TUNAR: variants seen among roughly 807,000 people sequenced by gnomAD.
The protein encoded by TUNAR is transmembrane neural differentiation associated intracellular calcium regulator, also known as protein TUNAR.
At chr14:95,923,923 TGATA>T (rs1372058984) in exon 3 of TUNAR, 1 of 152,168 alleles carries the variant, frequency 6.6e-6, no homozygotes, top group Non-Finnish European at 1.5e-5. Context: ...AAGGGCTGAG[TGATA>T]GATCAGCTTA....
chr14:95,908,925 C>T (rs1188914821), intron 2 of TUNAR, among the ~76,000 whole-genome samples: 3 of 152,140 alleles, frequency 2.0e-5, no homozygotes, highest in Non-Finnish European at 4.4e-5. Context: ...GGGTCCATGG[C>T]CCAGTGGAAG....
chr14:95,898,319 T>A (rs1464106356), intron 2 of TUNAR, among the ~76,000 whole-genome samples: 1 of 152,214 alleles, frequency 6.6e-6, no homozygotes, highest in African/African-American at 2.4e-5. Context: ...TTCTTCTTCA[T>A]TCATGGGGTT....
intron 2 of TUNAR, among the ~76,000 whole-genome samples, chr14:95,903,813 C>G (rs1242205574): frequency 1.3e-5 from 2 of 152,190 alleles, no homozygotes; most frequent in Non-Finnish European, 2.9e-5. Flanking sequence ...GGCAGCTGGG[C>G]TGGGCTGGCC....
At chr14:95,879,807 G>A (rs983899200) in intron 2 of TUNAR, among the ~76,000 whole-genome samples, 1 of 151,868 alleles carries the variant, frequency 6.6e-6, no homozygotes, top group African/African-American at 2.4e-5. Flanking sequence ...ATTTCTTTTG[G>A]GAGAACAAGA....
chr14:95,890,925 C>T (rs534196299), intron 2 of TUNAR, among the ~76,000 whole-genome samples: 7 of 152,280 alleles, frequency 4.6e-5, no homozygotes, highest in South Asian at 2.1e-4. Context: ...GGGCTTACAC[C>T]GGGACCCACA....
chr14:95,880,337 C>G (rs1417016070), intron 2 of TUNAR, among the ~76,000 whole-genome samples: 1 of 152,110 alleles, frequency 6.6e-6, no homozygotes, highest in Admixed American at 6.6e-5. Context: ...GTTTATTACC[C>G]TAAGTGGAGA....
At chr14:95,903,287 A>G (rs1004130441) in intron 2 of TUNAR, among the ~76,000 whole-genome samples, 1 of 152,210 alleles carries the variant, frequency 6.6e-6, no homozygotes, top group African/African-American at 2.4e-5. Flanking sequence ...ATGGACATAA[A>G]GTGCTTAGAA....
chr14:95,894,584 G>C (rs935778170), intron 2 of TUNAR, among the ~76,000 whole-genome samples: 1 of 152,170 alleles, frequency 6.6e-6, no homozygotes, highest in African/African-American at 2.4e-5. Flanking sequence ...GGTGTAAACT[G>C]TTCCCAATCG....
intron 2 of TUNAR, among the ~76,000 whole-genome samples, chr14:95,921,985 G>C (rs569717459): frequency 6.6e-6 from 1 of 151,960 alleles, no homozygotes; most frequent in Non-Finnish European, 1.5e-5. Context: ...CTCTCCTCTC[G>C]GTGCATATCT....
At chr14:95,910,474 G>A (rs1189883283) in intron 2 of TUNAR, among the ~76,000 whole-genome samples, 1 of 152,254 alleles carries the variant, frequency 6.6e-6, no homozygotes, top group African/African-American at 2.4e-5. Flanking sequence ...ATGTGTGGCT[G>A]GATAGTAGCT....
At chr14:95,903,990 C>T (rs559004656) in intron 2 of TUNAR, among the ~76,000 whole-genome samples, 44 of 152,336 alleles carry the variant, frequency 2.9e-4, no homozygotes, top group Non-Finnish European at 5.3e-4. Flanking sequence ...GGCTGTAAGG[C>T]TGGCCCAGGA....
chr14:95,894,834 G>T (rs551347212), intron 2 of TUNAR, among the ~76,000 whole-genome samples: 1 of 152,340 alleles, frequency 6.6e-6, no homozygotes, highest in African/African-American at 2.4e-5. Flanking sequence ...GGAAGGTGTA[G>T]ATGCGGTTGC....
chr14:95,901,385 T>C (rs59159496), intron 2 of TUNAR, among the ~76,000 whole-genome samples: 10,830 of 152,280 alleles, frequency 0.071, 843 homozygotes, highest in African/African-American at 0.19. Flanking sequence ...AGGGATTCTG[T>C]TCATGTATTC....
intron 2 of TUNAR, among the ~76,000 whole-genome samples, chr14:95,880,225 G>T (rs1197738256): frequency 6.6e-6 from 1 of 152,178 alleles, no homozygotes; most frequent in African/African-American, 2.4e-5. Context: ...GGTATAGCTG[G>T]TTATTAATAC....
At chr14:95,916,119 A>G (rs991782705) in intron 2 of TUNAR, among the ~76,000 whole-genome samples, 2 of 152,258 alleles carry the variant, frequency 1.3e-5, no homozygotes, top group Admixed American at 1.3e-4. Flanking sequence ...AGTATGGAAT[A>G]GATATGAGAA....
At chr14:95,920,209 A>C (rs1313792932) in intron 2 of TUNAR, among the ~76,000 whole-genome samples, 4 of 152,204 alleles carry the variant, frequency 2.6e-5, no homozygotes, top group African/African-American at 4.8e-5. Flanking sequence ...AAAACCAGGC[A>C]AAGCTCACCA....
intron 2 of TUNAR, among the ~76,000 whole-genome samples, chr14:95,903,594 T>G (rs1003335137): frequency 1.3e-5 from 2 of 152,262 alleles, no homozygotes; most frequent in Non-Finnish European, 2.9e-5. Flanking sequence ...CCTCTTTTCC[T>G]TAAGGATTGC....
chr14:95,883,727 C>G (rs984605584), intron 2 of TUNAR, among the ~76,000 whole-genome samples: 1 of 152,062 alleles, frequency 6.6e-6, no homozygotes, highest in Admixed American at 6.5e-5. Flanking sequence ...AAGCCACCCC[C>G]CCGCCGCCAC....
intron 2 of TUNAR, among the ~76,000 whole-genome samples, chr14:95,900,544 G>C (rs1889335556): frequency 6.6e-6 from 1 of 152,224 alleles, no homozygotes; most frequent in Non-Finnish European, 1.5e-5. Context: ...CAAAGGACTT[G>C]GCCATGCGAA....
Sources: gnomAD v4.1 joint callset for allele counts (sites outside exome capture counted in the v4.1 genomes callset) on GRCh38, gnomAD v4.1.1 for gene constraint, MANE v1.5 for transcripts, NCBI Gene and HGNC (gene_info 2026-07-23, HGNC 2026-07-21) for gene names.